ARHGEF38: variants seen among roughly 807,000 people sequenced by gnomAD.
ARHGEF38 encodes Rho guanine nucleotide exchange factor 38, also known as Rho guanine nucleotide exchange factor (GEF) 38.
Under a neutral mutation model 79.9 loss-of-function variants are expected in ARHGEF38, and 79 were observed. The ratio of observed to expected loss-of-function variants is 0.99; its 90% CI spans 0.82 to 1.19. The LOEUF (loss-of-function observed/expected upper bound fraction) is 1.19, where lower values mean the gene tolerates loss of function less well. ARHGEF38 is among the 50% of genes most tolerant of loss of function. The probability of loss-of-function intolerance (pLI) is 0.00; values close to 1 mark genes in which losing one functional copy is unlikely to be tolerated. For missense variants in ARHGEF38, 962 were observed against 907.2 expected (o/e 1.06, Z -0.78); for synonymous variants, 366 against 328.3 (o/e 1.11, Z -1.24).
At chr4:105,621,125 G>A (rs1728720085) in intron 3 of ARHGEF38, among the ~76,000 whole-genome samples, 1 of 152,142 alleles carries the variant, frequency 6.6e-6, no homozygotes, top group South Asian at 2.1e-4. Context: ...TAGTCATCTC[G>A]GACATTAAAA....
At chr4:105,611,679 G>A (rs933146500) in intron 2 of ARHGEF38, among the ~76,000 whole-genome samples, 1 of 151,878 alleles carries the variant, frequency 6.6e-6, no homozygotes, top group Non-Finnish European at 1.5e-5. Context: ...TAGATTACAA[G>A]CAAAAAACCA....
chr4:105,613,101 C>A (rs928103292), intron 2 of ARHGEF38, among the ~76,000 whole-genome samples: 1 of 152,062 alleles, frequency 6.6e-6, no homozygotes, highest in African/African-American at 2.4e-5. Context: ...CAGTTAATAC[C>A]AATTAGGCCC....
chr4:105,589,566 C>T (rs1056033263), intron 2 of ARHGEF38, 131 bp downstream of exon 2: 1 of 791,904 alleles, frequency 1.3e-6, no homozygotes, highest in South Asian at 2.1e-5. Flanking sequence ...CTGTTCTCAG[C>T]TCTGGGGTTA....
intron 2 of ARHGEF38, among the ~76,000 whole-genome samples, chr4:105,594,917 T>C (rs187200700): frequency 2.8e-4 from 43 of 152,306 alleles, no homozygotes; most frequent in Non-Finnish European, 4.4e-4. Flanking sequence ...CAGGTTCTAG[T>C]TATTTATTAT....
intron 2 of ARHGEF38, among the ~76,000 whole-genome samples, chr4:105,605,537 C>A (rs75904349): frequency 0.043 from 6,562 of 152,214 alleles, 199 homozygotes; most frequent in Middle Eastern, 0.12. Context: ...GTAACTTAAG[C>A]ATTTATCTGC....
chr4:105,654,761 T>C (rs1730253682), intron 8 of ARHGEF38, among the ~76,000 whole-genome samples: 1 of 152,212 alleles, frequency 6.6e-6, no homozygotes, highest in Non-Finnish European at 1.5e-5. Context: ...TCAGAGGTTT[T>C]TTCTAATCGA....
At chr4:105,631,177 T>G in intron 4 of ARHGEF38, 132 bp downstream of exon 4, 1 of 1,312,598 alleles carries the variant, frequency 7.6e-7, no homozygotes, top group Non-Finnish European at 9.7e-7. Context: ...CTGCTTTGCA[T>G]TCCCTTTATA....
chr4:105,638,705 T>C (rs1028304678), intron 5 of ARHGEF38, among the ~76,000 whole-genome samples: 1 of 147,258 alleles, frequency 6.8e-6, no homozygotes, highest in African/African-American at 2.7e-5. Flanking sequence ...AGGAACACTA[T>C]ACGTTTCTTG....
rs1560743808 is a variant in ARHGEF38, at chr4:105,645,388, G to T, written c.874+1G>T. 15 of 1,519,748 alleles carry T rather than the reference G, an allele frequency of 9.9e-6. 1 individual carries two copies. The highest frequency in any genetic ancestry group is 1.3e-5 in the Non-Finnish European group (15 of 1,140,250). The allele number at this position is 1,519,748 out of a possible 1,614,324, so 94.1% of individuals were successfully genotyped here. ...GAACTTAAAAGAAGGAAAGATTTAGGTAGGAAGAGACATGATGAATTGGTT... is the reference window on the plus strand; with the variant it reads ...GAACTTAAAAGAAGGAAAGATTTAGTTAGGAAGAGACATGATGAATTGGTT... On this transcript the variant is annotated splice_donor_variant, in intron 6 of 13. Coordinates refer to ENST00000420470, the MANE Select transcript of ARHGEF38 (RefSeq NM_001242729.2). LOFTEE classifies it high-confidence loss of function.
chr4:105,573,076 A>T (rs567606499), intron 1 of ARHGEF38, among the ~76,000 whole-genome samples: 80 of 151,920 alleles, frequency 5.3e-4, no homozygotes, highest in African/African-American at 1.7e-3. Flanking sequence ...CTCATTTTTT[A>T]TTCAGGTTGT....
At chr4:105,626,262 C>T (rs1334990562) in intron 3 of ARHGEF38, among the ~76,000 whole-genome samples, 1 of 152,204 alleles carries the variant, frequency 6.6e-6, no homozygotes, top group African/African-American at 2.4e-5. Flanking sequence ...AACCACAATT[C>T]TGGGATATGC....
At chr4:105,670,121 A>G (rs1560762140) in intron 13 of ARHGEF38, among the ~76,000 whole-genome samples, 2 of 151,968 alleles carry the variant, frequency 1.3e-5, no homozygotes, top group Non-Finnish European at 2.9e-5. Context: ...TTTGTTGTGG[A>G]TTTTATTTCT....
chr4:105,592,001 T>C (rs1190057087), intron 2 of ARHGEF38, among the ~76,000 whole-genome samples: 2 of 152,236 alleles, frequency 1.3e-5, no homozygotes, highest in African/African-American at 4.8e-5. Context: ...GTTACTAACA[T>C]GTTCATTTAC....
chr4:105,636,046 C>CA (rs1175725217), intron 4 of ARHGEF38, among the ~76,000 whole-genome samples: 1 of 151,958 alleles, frequency 6.6e-6, no homozygotes, highest in Non-Finnish European at 1.5e-5. Flanking sequence ...AATTTTTCCT[C>CA]AATCACTGAA....
At chr4:105,579,178 T>A (rs943383650) in intron 1 of ARHGEF38, among the ~76,000 whole-genome samples, 1 of 152,148 alleles carries the variant, frequency 6.6e-6, no homozygotes, top group African/African-American at 2.4e-5. Context: ...TGGAATTATG[T>A]CATCTGCAAA....
intron 7 of ARHGEF38, among the ~76,000 whole-genome samples, chr4:105,650,804 T>C (rs979065188): frequency 2.2e-4 from 34 of 152,238 alleles, no homozygotes; most frequent in African/African-American, 7.2e-4. Context: ...AGGGGCTAAC[T>C]GGGTCCATTG....
intron 1 of ARHGEF38, among the ~76,000 whole-genome samples, chr4:105,575,737 A>G (rs184949196): frequency 6.6e-6 from 1 of 152,092 alleles, no homozygotes; most frequent in Non-Finnish European, 1.5e-5. Context: ...GCCAACGTCC[A>G]GAAGAGTTTT....
intron 7 of ARHGEF38, 62 bp from the exon 8 acceptor site, chr4:105,654,003 G>A: frequency 2.1e-6 from 2 of 956,764 alleles, no homozygotes; most frequent in Non-Finnish European, 3.0e-6. Flanking sequence ...AATATGGTCT[G>A]TGCTATTTTA....
intron 1 of ARHGEF38, among the ~76,000 whole-genome samples, chr4:105,568,673 G>C (rs1030637082): frequency 2.8e-4 from 42 of 152,164 alleles, no homozygotes; most frequent in African/African-American, 9.7e-4. Context: ...CCAGATTCTT[G>C]TGTTGTATTA....
Sources: allele counts gnomAD v4.1 joint callset (sites outside exome capture counted in the v4.1 genomes callset), GRCh38; gene constraint gnomAD v4.1.1; transcripts MANE v1.5; gene names NCBI Gene and HGNC (gene_info 2026-07-23, HGNC 2026-07-21).